Variants in CELF2 observed in about 807,000 individuals in gnomAD.
CELF2 encodes CUG triplet repeat RNA-binding protein 2.
In CELF2, 8 loss-of-function variants were observed where a neutral mutation model predicts 62.6. The ratio of observed to expected loss-of-function variants is 0.13; its 90% CI spans 0.07 to 0.23. The LOEUF is 0.23. CELF2 is among the 10% of genes least tolerant of loss of function. The pLI is 1.00. For synonymous variants in CELF2, 258 were observed against 250.0 expected (o/e 1.03, Z -0.30); for missense variants, 333 against 671.0 (o/e 0.50, Z 5.56).
At chr10:10,631,777 A>G in the CELF2 span, among the ~76,000 whole-genome samples, 6 of 152,152 alleles carry the variant, frequency 3.9e-5, no homozygotes, top group Admixed American at 1.3e-4. Flanking sequence ...CAATGGAAAA[A>G]TAAGGTTCTA....
chr10:11,065,346 C>G (rs1248594591), intron 1 of CELF2, among the ~76,000 whole-genome samples: 2 of 152,212 alleles, frequency 1.3e-5, no homozygotes, highest in Admixed American at 1.3e-4. Flanking sequence ...AGGTTTCTTT[C>G]AGTAGATCTG....
In CELF2 at chr10:10,941,460, G is replaced by A. The variant is rs148065287; in HGVS notation, c.89+21461G>A. 2.0e-5 allele frequency among the ~76,000 whole-genome samples: 3 copies of A among 152,232 alleles called. No individual in the cohort carries two copies. The East Asian group carries it at 5.8e-4, about 29-fold the overall frequency. ...GATTTATTGATTTAATTTCTGGTTG[G>A]CAGTGGTAGTAGTTATAAAGTAAAT... is the stretch of plus-strand genomic sequence containing the variant. On this transcript the variant is annotated intron_variant, in intron 2 of 13. Coordinates refer to the CELF2 transcript ENST00000636488.
chr10:11,215,728 G>A lies in CELF2; in HGVS notation c.272-1697G>A, dbSNP rs549312382. 2.1e-4 allele frequency among the ~76,000 whole-genome samples: 32 copies of A among 152,284 alleles called. No individual in the cohort carries two copies. In the South Asian group the frequency reaches 2.7e-3, roughly 13 times the overall value. On this transcript the variant is annotated intron_variant, in intron 2 of 12. Coordinates refer to ENST00000633077, the MANE Select transcript of CELF2 (RefSeq NM_001326342.2). ...CACTGAGACTGTGTTTGCTAGAAGC[G>A]TTTAGTAAGGCTTGTCCTGTTTTTC...
At chr10:10,937,121 C>CTTTTTTTTTTT (rs373143426) in intron 2 of CELF2, among the ~76,000 whole-genome samples, 7 of 90,536 alleles carry the variant, frequency 7.7e-5, no homozygotes, top group Non-Finnish European at 1.0e-4. Context: ...TTTTTCTTTT[C>CTTTTTTTTTTT]TTTTTTTTTT....
intron 1 of CELF2, among the ~76,000 whole-genome samples, chr10:11,146,035 G>A (rs2062210303): frequency 6.6e-6 from 1 of 152,178 alleles, no homozygotes; most frequent in Admixed American, 6.5e-5. Flanking sequence ...AGCATGGAGA[G>A]GTGGGCCTCT....
rs547191196 is a variant in CELF2, at chr10:11,128,498, C to T, written c.75-36988C>T. On this transcript the variant is annotated intron_variant, in intron 1 of 12. Coordinates refer to ENST00000633077, the MANE Select transcript of CELF2 (RefSeq NM_001326342.2). ...GGCCATTTTCACGATATTGATTCTT[C>T]CTATCCATGAGCATGGAATGTTCTT... Among the ~76,000 whole-genome samples, 43 of 152,292 alleles carry T rather than the reference C, an allele frequency of 2.8e-4. No individual in the cohort carries two copies. In the South Asian group the frequency reaches 8.5e-3, roughly 30 times the overall value.
chr10:10,651,830 G>A, the CELF2 span, among the ~76,000 whole-genome samples: 2 of 151,744 alleles, frequency 1.3e-5, no homozygotes, highest in Middle Eastern at 6.4e-3. Context: ...CTCCTCCAAA[G>A]GAACGCAGTT....
chr10:11,262,428 G>A (rs2080941068), intron 5 of CELF2, among the ~76,000 whole-genome samples: 1 of 152,160 alleles, frequency 6.6e-6, no homozygotes, highest in Non-Finnish European at 1.5e-5. Flanking sequence ...ACACATTTCA[G>A]CTCTGCCCAC....
intron 1 of CELF2, among the ~76,000 whole-genome samples, chr10:10,854,195 G>A (rs532964541): frequency 6.6e-6 from 1 of 152,218 alleles, no homozygotes; most frequent in African/African-American, 2.4e-5. Context: ...CATGCGAATC[G>A]AACCTGGAAT....
chr10:11,318,886 T>G lies in CELF2; in HGVS notation c.1097-2303T>G. Reference sequence around the variant, plus strand: ...TGCACATCGCAGGAAGGATCCCCCGTGGGTCTCACATGACAGGGCCTGAAA... The same window carrying G: ...TGCACATCGCAGGAAGGATCCCCCGGGGGTCTCACATGACAGGGCCTGAAA... On this transcript the variant is annotated intron_variant, in intron 10 of 12. Transcript: ENST00000633077. The surrounding 1 kb of genome is among the most constrained non-coding windows in gnomAD (Gnocchi z 5.4). 1 of 471,124 alleles carries G rather than the reference T, an allele frequency of 2.1e-6. No homozygotes were observed. The highest frequency in any genetic ancestry group is 1.5e-5 in the South Asian group (1 of 64,562). 29.2% of individuals were successfully genotyped at this position (471,124 alleles called of 1,614,324 possible). A position where few individuals can be genotyped will look rare whatever the true frequency, so the allele number is the denominator to read the frequency against.
chr10:11,233,509 T>C (rs990526635), intron 3 of CELF2, among the ~76,000 whole-genome samples: 2 of 152,214 alleles, frequency 1.3e-5, no homozygotes, highest in African/African-American at 4.8e-5. Flanking sequence ...GCTTCTCTGC[T>C]AAACCCCAGA....
chr10:11,092,057 CTG>C (rs1401442591), intron 1 of CELF2, among the ~76,000 whole-genome samples: 3 of 145,642 alleles, frequency 2.1e-5, no homozygotes, highest in Non-Finnish European at 4.7e-5. Flanking sequence ...AGAATTTAAT[CTG>C]TAACTTCTAA....
rs560966225 is a variant in CELF2, at chr10:11,104,424, C to CT, written c.75-61060dup. On this transcript the variant is annotated intron_variant, in intron 1 of 12. Coordinates refer to ENST00000633077, the MANE Select transcript of CELF2 (RefSeq NM_001326342.2). ...AATACCCTTGAGCAAACCACAGTGG[C>CT]TTACACCTGTGATCCTAACACTTTG... Among the ~76,000 whole-genome samples the CT allele has an allele frequency of 6.6e-5, 10 of 152,338 alleles. No homozygotes were observed. The East Asian group carries it at 1.7e-3, about 26-fold the overall frequency.
At chr10:11,313,173 G>T (rs1208142771) in intron 9 of CELF2, among the ~76,000 whole-genome samples, 1 of 152,138 alleles carries the variant, frequency 6.6e-6, no homozygotes, top group Non-Finnish European at 1.5e-5. Flanking sequence ...CAGACTTCAA[G>T]GAAAAATTAG....
intron 2 of CELF2, among the ~76,000 whole-genome samples, chr10:11,215,687 C>T (rs1397298498): frequency 6.6e-6 from 1 of 151,868 alleles, no homozygotes; most frequent in African/African-American, 2.4e-5. Flanking sequence ...AAGCCCAGGA[C>T]AGGGAAAGGA....
chr10:11,019,069 G>A (rs2057857028), intron 1 of CELF2, among the ~76,000 whole-genome samples: 1 of 152,176 alleles, frequency 6.6e-6, no homozygotes. Context: ...TTGGAAAGAA[G>A]TAGAGAGCTG....
intron 9 of CELF2, among the ~76,000 whole-genome samples, chr10:11,310,800 GA>G (rs1451706985): frequency 6.6e-6 from 1 of 151,148 alleles, no homozygotes; most frequent in Non-Finnish European, 1.5e-5. Flanking sequence ...TAGATTACTG[GA>G]AAGACCCTCC....
chr10:10,495,734 T>C, the CELF2 span, among the ~76,000 whole-genome samples: 2 of 152,200 alleles, frequency 1.3e-5, no homozygotes, highest in African/African-American at 4.8e-5. Context: ...TAATGCACAA[T>C]GGACCGTGCC....
the CELF2 span, among the ~76,000 whole-genome samples, chr10:10,671,630 A>G: frequency 1.3e-5 from 2 of 152,122 alleles, no homozygotes; most frequent in South Asian, 2.1e-4. Context: ...GGCCATTCTA[A>G]TAGGTGTACA....
Sources: gnomAD v4.1 joint callset for allele counts (sites outside exome capture counted in the v4.1 genomes callset) on GRCh38, gnomAD v4.1.1 for gene constraint, Gnocchi (gnomAD v3.1) non-coding constraint, MANE v1.5 for transcripts, NCBI Gene and HGNC (gene_info 2026-07-23, HGNC 2026-07-21) for gene names.